The following YLPM1 variants were observed in gnomAD, a reference collection of about 807,000 sequenced individuals.
YLPM1 encodes the protein YLP motif containing 1.
A neutral mutation model predicts 230.0 loss-of-function variants in YLPM1; 99 were observed. The observed-to-expected ratio is 0.43, with a 90% CI of 0.37 to 0.51. The LOEUF (loss-of-function observed/expected upper bound fraction) is 0.51, where lower values mean the gene tolerates loss of function less well. Among genes scored for constraint, YLPM1 ranks in the 20% least tolerant of loss-of-function variants. The pLI is 0.00. For missense variants in YLPM1, 2,592 were observed against 2,707.7 expected, an observed-to-expected ratio of 0.96 and a Z score of 0.95; for synonymous variants, 984 against 942.5, an observed-to-expected ratio of 1.04 and a Z score of -0.81.
intron 17 of YLPM1, 96 bp downstream of exon 17, chr14:74,821,233 T>A (rs1454828142): frequency 7.0e-7 from 1 of 1,422,028 alleles, no homozygotes; most frequent in East Asian, 2.6e-5. Flanking sequence ...CTACTGTTGA[T>A]ATACACTTTA....
Position 74,778,571 on chromosome 14 carries a change from A to C in YLPM1, c.998A>C (p.Glu333Ala), listed in dbSNP as rs879128063. The C allele has an allele frequency of 1.9e-6, 3 of 1,604,980 alleles. No individual in the cohort carries two copies. The South Asian group carries it at 3.4e-5, about 18-fold the overall frequency. Residue 333 changes from glutamate (E) to alanine (A), a missense_variant, in exon 2 of 21, where the codon GAA becomes GCA. Around this residue, in one of 4 missense-constraint regions of YLPM1, gnomAD observed 1,862 missense variants for 1,819.8 expected, o/e 1.02. Transcript: ENST00000325680. ...AKDTPEPVKE[E>A]VTVPATSQVP... ...GATACACCAGAGCCGGTAAAAGAAGAAGTTACAGTACCTGCCACCAGTCAA... is the reference window on the plus strand; with the variant it reads ...GATACACCAGAGCCGGTAAAAGAAGCAGTTACAGTACCTGCCACCAGTCAA...
chr14:74,778,717 A>G (rs762564202), intron 2 of YLPM1, 34 bp downstream of exon 2: 1 of 1,508,328 alleles, frequency 6.6e-7, no homozygotes. Flanking sequence ...TGTTTATTAA[A>G]TTATTTAGCT....
intron 1 of YLPM1, among the ~76,000 whole-genome samples, chr14:74,769,259 CTTTTTTTTTTTTTTTTTTTT>C (rs34023289): frequency 7.8e-5 from 3 of 38,400 alleles, no homozygotes; most frequent in Non-Finnish European, 1.6e-4. Context: ...GTATTTTTAT[CTTTTTTTTTTTTTTTTTTTT>C]TTTTTTTTTG....
rs777644603 is a variant in YLPM1 at position 74,798,394 on chromosome 14, G to A, written c.3097G>A (p.Asp1033Asn). Residue 1033 changes from aspartate to asparagine, a missense_variant, in exon 5 of 21, where the codon GAT becomes AAT. By Grantham distance (23) the Asp-to-Asn change is conservative. This residue lies in a region of YLPM1 where 1,862 missense variants were observed against 1,819.8 expected (regional missense o/e 1.02). Coordinates refer to ENST00000325680, the MANE Select transcript of YLPM1 (RefSeq NM_019589.3). Reference protein sequence around the residue: ...PGQSRMEDTRDKGLVNRGRGQ... With the variant: ...PGQSRMEDTRNKGLVNRGRGQ... ...GCAAAGCAGAATGGAAGACACACGG[G>A]ATAAAGGTCTAGTAAACAGAGGTCG... 2.8e-5 allele frequency: 45 copies of A among 1,613,904 alleles called. No individual in the cohort carries two copies. The highest frequency in any genetic ancestry group is 3.7e-5 in the Non-Finnish European group (44 of 1,179,914).
rs1204719464 is a variant in YLPM1 at position 74,771,274 on chromosome 14, A to C, written c.873+6912A>C. 2.0e-5 allele frequency among the ~76,000 whole-genome samples: 3 copies of C among 152,300 alleles called. No homozygotes were observed. In the South Asian group the frequency reaches 6.2e-4, roughly 32 times the overall value. ...TAGATGTAAGATCTGGGAGACATAG[A>C]TTTATAAGTCATCAGCATAAAAATG... On this transcript the variant is annotated intron_variant, in intron 1 of 20. Transcript: ENST00000325680.
chr14:74,812,054 C>T (rs956781574), intron 10 of YLPM1, among the ~76,000 whole-genome samples: 1 of 152,162 alleles, frequency 6.6e-6, no homozygotes, highest in African/African-American at 2.4e-5. Flanking sequence ...AATACAATTT[C>T]TTTATCGTGA....
intron 18 of YLPM1, 116 bp from the exon 19 acceptor site, chr14:74,829,097 A>G (rs1262305768): frequency 1.7e-6 from 2 of 1,197,494 alleles, no homozygotes; most frequent in African/African-American, 3.1e-5. Flanking sequence ...GTGATGCTGC[A>G]CTCAAAAATG....
intron 19 of YLPM1, among the ~76,000 whole-genome samples, chr14:74,832,128 C>A (rs1400682057): frequency 6.6e-6 from 1 of 151,980 alleles, no homozygotes; most frequent in Non-Finnish European, 1.5e-5. Flanking sequence ...TGTATTATAA[C>A]AAATTTATTT....
rs1209701954 is a variant in YLPM1 at position 74,763,597 on chromosome 14, C to T, written c.108C>T (p.Tyr36=). 1.9e-6 allele frequency: 3 copies of T among 1,590,872 alleles called. No individual in the cohort carries two copies. The highest frequency in any genetic ancestry group is 1.4e-5 in the African/African-American group (1 of 73,030). The stretch of plus-strand genomic sequence containing the variant: ...CTGAGGCCTCGCCGGGGCCCGGGTA[C>T]TCGAGCTCGACGACTCCCGCGGCCC... The part of the protein sequence containing the change: ...ALPEASPGPG[Y]SSSTTPAAPS... Residue 36 remains tyrosine (Y), a synonymous_variant, in exon 1 of 21, where the codon TAC becomes TAT. Transcript: ENST00000325680.
intron 9 of YLPM1, among the ~76,000 whole-genome samples, chr14:74,811,303 G>A (rs1164625779): frequency 2.6e-5 from 4 of 151,948 alleles, no homozygotes; most frequent in Admixed American, 2.6e-4. Context: ...CCAACATGGC[G>A]AAACCCCATC....
intron 5 of YLPM1, among the ~76,000 whole-genome samples, chr14:74,800,624 T>G (rs2091314602): frequency 6.6e-6 from 1 of 152,198 alleles, no homozygotes; most frequent in South Asian, 2.1e-4. Context: ...AACAATAAAT[T>G]ATAACTTAAA....
At chr14:74,791,524 C>T (rs2091207279) in intron 4 of YLPM1, among the ~76,000 whole-genome samples, 1 of 152,170 alleles carries the variant, frequency 6.6e-6, no homozygotes, top group South Asian at 2.1e-4. Flanking sequence ...TACACATGCT[C>T]TTTTCTTTGT....
Position 74,763,994 on chromosome 14 carries a change from C to G in YLPM1, c.505C>G (p.Gln169Glu), listed in dbSNP as rs1264286928. Reference protein sequence around the residue: ...PPSQSYMPPPQPPPSYYPPTS... With the variant: ...PPSQSYMPPPEPPPSYYPPTS... Reference sequence around the variant, plus strand: ...ATCTCAGTCTTACATGCCCCCACCTCAGCCGCCACCCTCTTACTACCCCCC... The same window carrying G: ...ATCTCAGTCTTACATGCCCCCACCTGAGCCGCCACCCTCTTACTACCCCCC... Residue 169 changes from glutamine (Q) to glutamate (E), a missense_variant, in exon 1 of 21, where the codon CAG becomes GAG. Physicochemically the swap from Gln to Glu is conservative, Grantham distance 29. Coordinates refer to ENST00000325680, the MANE Select transcript of YLPM1 (RefSeq NM_019589.3). 1 of 1,598,384 alleles carries G rather than the reference C, an allele frequency of 6.3e-7. No individual in the cohort carries two copies. The highest frequency in any genetic ancestry group is 2.3e-5 in the East Asian group (1 of 44,412).
At chr14:74,800,249 T>C (rs2091312003) in intron 5 of YLPM1, among the ~76,000 whole-genome samples, 1 of 152,270 alleles carries the variant, frequency 6.6e-6, no homozygotes, top group Non-Finnish European at 1.5e-5. Flanking sequence ...TCCTTGAGGA[T>C]GTTATTTGTT....
chr14:74,816,862 T>G, intron 13 of YLPM1, 69 bp from the exon 14 acceptor site: 1 of 1,479,730 alleles, frequency 6.8e-7, no homozygotes, highest in Non-Finnish European at 9.0e-7. Flanking sequence ...ATCCAAATAC[T>G]AACCAAGGAA....
chr14:74,780,602 C>T lies in YLPM1; in HGVS notation c.1290+18C>T. ...ATATACAGGCAAGTGCTTCCATAGT[C>T]CACAATAGGAAGTTGCCCCAAGACA... is the stretch of plus-strand genomic sequence containing the variant. On this transcript the variant is annotated intron_variant, in intron 3 of 20. Transcript: ENST00000325680. 1 of 1,576,748 alleles carries T rather than the reference C, an allele frequency of 6.3e-7. No individual in the cohort carries two copies. The highest frequency in any genetic ancestry group is 1.7e-4 in the Middle Eastern group (1 of 5,918).
chr14:74,827,507 A>T (rs2091574308), intron 18 of YLPM1: 1 of 985,308 alleles, frequency 1.0e-6, no homozygotes. Flanking sequence ...CTGAAATTCC[A>T]TGTTGCAACT....
chr14:74,811,288 C>T (rs1429283184), intron 9 of YLPM1, among the ~76,000 whole-genome samples: 1 of 152,026 alleles, frequency 6.6e-6, no homozygotes, highest in Non-Finnish European at 1.5e-5. Context: ...TCAAGACCAG[C>T]CTGGCCAACA....
intron 18 of YLPM1, among the ~76,000 whole-genome samples, chr14:74,825,668 A>G (rs533652312): frequency 6.6e-4 from 100 of 152,316 alleles, no homozygotes; most frequent in African/African-American, 2.3e-3. Flanking sequence ...ATAATATGCC[A>G]AGATCATTTC....
Sources: allele counts gnomAD v4.1 joint callset (sites outside exome capture counted in the v4.1 genomes callset), GRCh38; gene constraint gnomAD v4.1.1; regional missense constraint gnomAD v4.1.1; transcripts MANE v1.5; gene names NCBI Gene and HGNC (gene_info 2026-07-23, HGNC 2026-07-21).